Variants in BECN1 observed in about 807,000 individuals in gnomAD.
BECN1 encodes the protein beclin 1.
Under a neutral mutation model 60.1 loss-of-function variants are expected in BECN1, and 15 were observed. The ratio of observed to expected loss-of-function variants is 0.25; its 90% CI spans 0.17 to 0.38. The LOEUF (loss-of-function observed/expected upper bound fraction) is 0.38, where lower values mean the gene tolerates loss of function less well. Among genes scored for constraint, BECN1 ranks in the 10% least tolerant of loss-of-function variants. BECN1 has a pLI of 1.00. For missense variants in BECN1, 424 were observed against 548.2 expected, an observed-to-expected ratio of 0.77 and a Z score of 2.26; for synonymous variants, 179 against 201.8, an observed-to-expected ratio of 0.89 and a Z score of 0.96.
rs749674509 is a variant in BECN1 at position 42,818,701 on chromosome 17, G to C, written c.352-21C>G. 1.9e-6 allele frequency: 3 copies of C among 1,614,018 alleles called. No homozygotes were observed. In the East Asian group the frequency reaches 6.7e-5, roughly 36 times the overall value. On this transcript the variant is annotated intron_variant, in intron 5 of 11. Transcript: ENST00000590099. ...GTGACCTGGAAGTGTGGGAGAGTCA[G>C]GGTAGGGCCTCCCCCATGCTTCCTG...
intron 4 of BECN1, 39 bp from the exon 5 acceptor site, chr17:42,818,916 CAG>C: frequency 1.2e-6 from 2 of 1,607,568 alleles, no homozygotes; most frequent in South Asian, 1.1e-5. Flanking sequence ...CATGAGGGAA[CAG>C]AGAGGCTTCC....
intron 8 of BECN1, 68 bp from the exon 9 acceptor site, chr17:42,814,741 C>G: frequency 1.3e-6 from 2 of 1,584,726 alleles, no homozygotes; most frequent in African/African-American, 1.3e-5. Flanking sequence ...ATTTCCCACT[C>G]TCACCCCAAA....
chr17:42,814,222 G>T, intron 9 of BECN1: 1 of 556,820 alleles, frequency 1.8e-6, no homozygotes, highest in Non-Finnish European at 3.1e-6. Flanking sequence ...GGCCTTCCAT[G>T]AACAAATGTT....
intron 2 of BECN1, among the ~76,000 whole-genome samples, chr17:42,822,743 C>G (rs1205085341): frequency 1.3e-5 from 2 of 151,888 alleles, no homozygotes; most frequent in Admixed American, 1.3e-4. Context: ...TGCACTGTTG[C>G]CCAAGCTGCA....
intron 7 of BECN1, among the ~76,000 whole-genome samples, chr17:42,818,007 A>G (rs553063341): frequency 6.6e-6 from 1 of 152,278 alleles, no homozygotes; most frequent in East Asian, 1.9e-4. Flanking sequence ...TTTAACCAAC[A>G]TACTTTTTTC....
In BECN1 at chr17:42,824,168, A is replaced by G. The variant is rs1439960782; in HGVS notation, c.-16T>C. The G allele has an allele frequency of 6.9e-6, 3 of 434,550 alleles. No individual in the cohort carries two copies. The highest frequency in any genetic ancestry group is 1.2e-5 in the Non-Finnish European group (3 of 245,084). The allele number at this position is 434,550 out of a possible 1,614,324, so 26.9% of individuals were successfully genotyped here. On this transcript the variant is annotated 5_prime_UTR_variant, in exon 1 of 12. Coordinates refer to ENST00000590099, the MANE Select transcript of BECN1 (RefSeq NM_001313998.2). ...GATGCTCTTCACCTCGGGAGCCCGG[A>G]GCCCGTCACCCAAGTCCGGTCTACC...
chr17:42,818,261 C>T lies in BECN1; in HGVS notation c.643G>A (p.Val215Ile), dbSNP rs1385853764. Residue 215 changes from valine (V) to isoleucine (I), a missense_variant, in exon 7 of 12, where the codon GTC becomes ATC. Val to Ile is a conservative substitution (Grantham distance 29). Transcript: ENST00000590099. The part of the protein sequence containing the change: ...RKIVAENLEK[V>I]QAEAERLDQE... ...TCCAGTCTCTCAGCCTCAGCCTGGA[C>T]CTTCTCGAGATTTTCTGCCACTATC... 6.2e-7 allele frequency: 1 copy of T among 1,614,108 alleles called. No individual in the cohort carries two copies. Among genetic ancestry groups the T allele is most frequent in the South Asian group, 1.1e-5 (1 of 91,090 alleles).
chr17:42,823,543 C>T (rs8078875), intron 2 of BECN1, among the ~76,000 whole-genome samples: 3,308 of 152,272 alleles, frequency 0.022, 116 homozygotes, highest in African/African-American at 0.075. Context: ...CGTGAGCCAC[C>T]GCGCCCGGTC....
At position 42,814,663 on chromosome 17, in the gene BECN1, G is replaced by C. The variant is rs1367447764; in HGVS notation, c.841C>G (p.Gln281Glu). The change falls in exon 9 of 12, where the codon CAG becomes GAG. Residue 281 changes from glutamine (Q) to glutamate (E), a missense_variant. Physicochemically the swap from Gln to Glu is conservative, Grantham distance 29. Around this residue, in one of 3 missense-constraint regions of BECN1, gnomAD observed 326 missense variants for 406.2 expected, o/e 0.80. Transcript: ENST00000590099. ...CTGAAGTTATTGATTGTGCCAAACTGTCCACTGTGCCTACAGAGGAAGGCA... is the reference window on the plus strand; with the variant it reads ...CTGAAGTTATTGATTGTGCCAAACTCTCCACTGTGCCTACAGAGGAAGGCA... ...NATFHIWHSG[Q>E]FGTINNFRLG... The C allele has an allele frequency of 6.2e-7, 1 of 1,613,976 alleles. No individual in the cohort carries two copies. Among genetic ancestry groups the C allele is most frequent in the Non-Finnish European group, 8.5e-7 (1 of 1,180,026 alleles).
At chr17:42,822,756 G>A (rs1277489632) in intron 2 of BECN1, among the ~76,000 whole-genome samples, 1 of 151,980 alleles carries the variant, frequency 6.6e-6, no homozygotes, top group African/African-American at 2.4e-5. Context: ...AAGCTGCAGT[G>A]CAGTGGCATG....
At chr17:42,823,157 T>C (rs181261433) in intron 2 of BECN1, among the ~76,000 whole-genome samples, 1 of 152,330 alleles carries the variant, frequency 6.6e-6, no homozygotes, top group East Asian at 1.9e-4. Context: ...GGTATTACTA[T>C]ATAGTAAGTC....
intron 7 of BECN1, 49 bp downstream of exon 7, chr17:42,818,172 C>T: frequency 1.3e-6 from 2 of 1,581,130 alleles, no homozygotes; most frequent in Non-Finnish European, 1.7e-6. Context: ...AAGCCATTTC[C>T]TCTCCTGGAG....
chr17:42,822,213 C>CA (rs911108747), intron 2 of BECN1, among the ~76,000 whole-genome samples: 5 of 151,582 alleles, frequency 3.3e-5, no homozygotes, highest in Admixed American at 2.6e-4. Flanking sequence ...AACAAACAAA[C>CA]AAAAAAAAGA....
At chr17:42,823,516 A>C (rs1328062217) in intron 2 of BECN1, among the ~76,000 whole-genome samples, 1 of 152,144 alleles carries the variant, frequency 6.6e-6, no homozygotes, top group African/African-American at 2.4e-5. Flanking sequence ...GGTCTCCCAA[A>C]ATGCTGGGAT....
chr17:42,813,017 TG>T (rs762949373), intron 10 of BECN1, among the ~76,000 whole-genome samples: 9 of 145,816 alleles, frequency 6.2e-5, no homozygotes, highest in Non-Finnish European at 9.0e-5. Flanking sequence ...TTTTTTTTTT[TG>T]TATTTTTAGT....
intron 2 of BECN1, among the ~76,000 whole-genome samples, chr17:42,822,877 TGCTAGG>T (rs2055298337): frequency 6.6e-6 from 1 of 151,540 alleles, no homozygotes; most frequent in African/African-American, 2.4e-5. Flanking sequence ...ACAAGATCTC[TGCTAGG>T]TTGCTCAGGT....
intron 10 of BECN1, chr17:42,812,233 A>T: frequency 6.5e-6 from 1 of 154,388 alleles, no homozygotes; most frequent in Non-Finnish European, 1.4e-5. Flanking sequence ...AAAAATACCT[A>T]ATTAGCCGGG....
intron 1 of BECN1, 135 bp downstream of exon 1, chr17:42,824,020 G>A (rs1295262975): frequency 1.3e-5 from 14 of 1,096,784 alleles, no homozygotes; most frequent in Admixed American, 2.8e-5. Flanking sequence ...GGTATGATAC[G>A]GGGAGGACCT....
chr17:42,821,867 A>T (rs2055271028), intron 2 of BECN1, among the ~76,000 whole-genome samples: 2 of 152,196 alleles, frequency 1.3e-5, no homozygotes, highest in Non-Finnish European at 2.9e-5. Flanking sequence ...TATTCTCTTG[A>T]CTATATATGT....
Sources: gnomAD v4.1 joint callset for allele counts (sites outside exome capture counted in the v4.1 genomes callset) on GRCh38, gnomAD v4.1.1 for gene constraint, gnomAD v4.1.1 regional missense constraint, MANE v1.5 for transcripts, NCBI Gene and HGNC (gene_info 2026-07-23, HGNC 2026-07-21) for gene names.